The following PSME4 variants were observed in gnomAD, a reference collection of about 807,000 sequenced individuals.
PSME4 encodes proteasome activator complex subunit 4.
A neutral mutation model predicts 253.9 loss-of-function variants in PSME4; 89 were observed. The observed-to-expected ratio is 0.35, with a 90% CI of 0.30 to 0.42. PSME4 has a LOEUF of 0.42. Among genes scored for constraint, PSME4 ranks in the 10% least tolerant of loss-of-function variants. The probability of loss-of-function intolerance (pLI) is 1.00; values close to 1 mark genes in which losing one functional copy is unlikely to be tolerated. For missense variants in PSME4, 2,014 were observed against 2,195.2 expected (o/e 0.92, Z 1.65); for synonymous variants, 851 against 759.2 (o/e 1.12, Z -1.99).
intron 31 of PSME4, among the ~76,000 whole-genome samples, 160 bp from the exon 32 acceptor site, chr2:53,897,045 G>C (rs761874472): frequency 6.6e-6 from 1 of 152,130 alleles, no homozygotes. Flanking sequence ...ATCTGACTTA[G>C]AATGAATCAT....
At chr2:53,945,475 A>G (rs1669657694) in intron 3 of PSME4, among the ~76,000 whole-genome samples, 1 of 152,180 alleles carries the variant, frequency 6.6e-6, no homozygotes, top group African/African-American at 2.4e-5. Context: ...CTAGAGGCAA[A>G]AAGACAGACA....
Position 53,919,198 on chromosome 2 carries a change from G to A in PSME4, c.2469C>T (p.Gly823=). 2 of 1,611,548 alleles carry A rather than the reference G, an allele frequency of 1.2e-6. No individual in the cohort carries two copies. The highest frequency in any genetic ancestry group is 8.5e-7 in the Non-Finnish European group (1 of 1,179,122). Residue 823 remains glycine, a synonymous_variant, in exon 20 of 47, where the codon GGC becomes GGT. Transcript: ENST00000404125. Reference sequence around the variant, plus strand: ...TCAACGGAGGTAGGAGGTTTCCAGAGCCAATTAAACAGTTGTGCACTATAG... The same window carrying A: ...TCAACGGAGGTAGGAGGTTTCCAGAACCAATTAAACAGTTGTGCACTATAG... The part of the protein sequence containing the change: ...SLTIVHNCLI[G]SGNLLPPLKG...
intron 1 of PSME4, among the ~76,000 whole-genome samples, chr2:53,970,119 C>T (rs975148293): frequency 6.6e-6 from 1 of 152,128 alleles, no homozygotes; most frequent in African/African-American, 2.4e-5. Context: ...AAGGAAGAAC[C>T]GGAGGAAGCA....
chr2:53,919,723 A>G (rs1281426411), intron 19 of PSME4, among the ~76,000 whole-genome samples: 1 of 152,222 alleles, frequency 6.6e-6, no homozygotes, highest in Non-Finnish European at 1.5e-5. Flanking sequence ...TGTTTGATAC[A>G]TTAATTTTCT....
intron 41 of PSME4, among the ~76,000 whole-genome samples, chr2:53,877,546 G>A (rs1037068416): frequency 2.0e-5 from 3 of 152,156 alleles, no homozygotes; most frequent in Non-Finnish European, 2.9e-5. Flanking sequence ...AATTATTAAG[G>A]AAAAGTTTAT....
Position 53,887,880 on chromosome 2 carries a change from T to C in PSME4, c.4498A>G (p.Asn1500Asp). The C allele has an allele frequency of 6.2e-7, 1 of 1,600,578 alleles. No homozygotes were observed. Among genetic ancestry groups the C allele is most frequent in the South Asian group, 1.1e-5 (1 of 90,702 alleles). ...LEPKLTQVYK[N>D]VRERIGSVLT... ...TACCTTCCTATTCTTTCTCTGACAT[T>C]TTTGTAAACCTGGGTGAGTTTGGGT... The change falls in exon 39 of 47, where the codon AAT becomes GAT. Residue 1500 changes from asparagine (N) to aspartate (D), a missense_variant. Physicochemically the swap from Asn to Asp is conservative, Grantham distance 23 (BLOSUM62 1). Transcript: ENST00000404125.
At chr2:53,944,973 T>C (rs1669635300) in intron 3 of PSME4, among the ~76,000 whole-genome samples, 1 of 152,066 alleles carries the variant, frequency 6.6e-6, no homozygotes. Flanking sequence ...TAAAAGAGAA[T>C]AGATACTTTT....
Position 53,934,666 on chromosome 2 carries a change from G to A in PSME4, c.896C>T (p.Pro299Leu), listed in dbSNP as rs778300948. ...ATCATAAGCATTTGTTAAAAATCTTGGGACTAACACTTGACTGCTTCCCAC... is the reference window on the plus strand; with the variant it reads ...ATCATAAGCATTTGTTAAAAATCTTAGGACTAACACTTGACTGCTTCCCAC... ...LPVGSSQVLV[P>L]RFLTNAYDIG... Residue 299 changes from proline to leucine, a missense_variant, in exon 8 of 47, where the codon CCA becomes CTA. Physicochemically the swap from Pro to Leu is moderately conservative, Grantham distance 98. This residue lies in a region of PSME4 where 615 missense variants were observed against 594.4 expected (regional missense o/e 1.03). Coordinates refer to ENST00000404125, the MANE Select transcript of PSME4 (RefSeq NM_014614.3). 1 of 1,610,292 alleles carries A rather than the reference G, an allele frequency of 6.2e-7. No individual in the cohort carries two copies. The highest frequency in any genetic ancestry group is 8.5e-7 in the Non-Finnish European group (1 of 1,176,780).
intron 4 of PSME4, among the ~76,000 whole-genome samples, chr2:53,939,473 C>G (rs1669280961): frequency 6.6e-6 from 1 of 152,152 alleles, no homozygotes; most frequent in African/African-American, 2.4e-5. Context: ...CACCTATAAT[C>G]CCAATGCTTT....
rs1176696460 is a variant in PSME4 at position 53,970,607 on chromosome 2, C to G, written c.178G>C (p.Gly60Arg). The stretch of plus-strand genomic sequence containing the variant: ...AGCTCTTGGAGCTGCACGGCCCGGC[C>G]CAGGTTGCATTTGATCTGGGCCAGC... ...LQLAQIKCNL[G>R]RAVQLQELWP... is the part of the protein sequence containing the mutation. The change falls in exon 1 of 47, where the codon GGC becomes CGC. Residue 60 changes from glycine to arginine, a missense_variant. Transcript: ENST00000404125. 6.5e-7 allele frequency: 1 copy of G among 1,549,804 alleles called. No homozygotes were observed. Among genetic ancestry groups the G allele is most frequent in the Non-Finnish European group, 8.7e-7 (1 of 1,146,948 alleles).
At chr2:53,951,165 C>G (rs76459000) in intron 1 of PSME4, among the ~76,000 whole-genome samples, 8 of 152,094 alleles carry the variant, frequency 5.3e-5, no homozygotes, top group African/African-American at 1.7e-4. Flanking sequence ...TCACCGCAAC[C>G]TCTGCCTCCT....
At chr2:53,899,553 C>A (rs1680295849) in intron 29 of PSME4, among the ~76,000 whole-genome samples, 2 of 152,088 alleles carry the variant, frequency 1.3e-5, no homozygotes, top group African/African-American at 2.4e-5. Flanking sequence ...CGCAGTGGCT[C>A]ATGCCTGTAA....
At chr2:53,891,957 C>T (rs371596910) in intron 36 of PSME4, among the ~76,000 whole-genome samples, 1 of 151,550 alleles carries the variant, frequency 6.6e-6, no homozygotes, top group African/African-American at 2.4e-5. Context: ...GGAAGGAATT[C>T]TTCAATCAGC....
intron 17 of PSME4, 86 bp downstream of exon 17, chr2:53,922,431 A>T (rs1668368736): frequency 7.1e-7 from 1 of 1,398,820 alleles, no homozygotes; most frequent in Non-Finnish European, 1.0e-6. Flanking sequence ...CATATGTTTT[A>T]AAGTCATTTT....
chr2:53,927,423 C>G lies in PSME4; in HGVS notation c.1564G>C (p.Val522Leu), dbSNP rs1190904825. ...TLVPLVDCSS[V>L]LQERNDLTEV... ...GTGAGGTCATTTCTTTCTTGTAGTA[C>G]AGATGAACAATCTACTAAAGGCACC... The change falls in exon 12 of 47, where the codon GTA becomes CTA. Residue 522 changes from valine (V) to leucine (L), a missense_variant. Val to Leu is a conservative substitution (Grantham distance 32). Around this residue, in one of 4 missense-constraint regions of PSME4, gnomAD observed 989 missense variants for 1,021.1 expected, o/e 0.97. Coordinates refer to ENST00000404125, the MANE Select transcript of PSME4 (RefSeq NM_014614.3). The G allele has an allele frequency of 1.3e-6, 2 of 1,590,868 alleles. No homozygotes were observed. The highest frequency in any genetic ancestry group is 1.7e-6 in the Non-Finnish European group (2 of 1,158,970).
In PSME4 at chr2:53,876,716, C is replaced by CTTTTTTTTTTTTTTTTTTTT. The variant is rs10599430; in HGVS notation, c.4816-981_4816-962dup. On this transcript the variant is annotated intron_variant, in intron 41 of 46. Transcript: ENST00000404125. Reference sequence around the variant, plus strand: ...TCTGATGGCTGTAGCCACTGTCATTCTTTTTTTTTTTTTTTTTTTTGAGAC... The same window carrying CTTTTTTTTTTTTTTTTTTTT: ...TCTGATGGCTGTAGCCACTGTCATTCTTTTTTTTTTTTTTTTTTTTTTTTTTTTTTTTTTTTTTTTGAGAC... Among the ~76,000 whole-genome samples the CTTTTTTTTTTTTTTTTTTTT allele has an allele frequency of 7.8e-4, 76 of 97,840 alleles. 11 individuals carry two copies. The highest frequency in any genetic ancestry group is 5.4e-3 in the East Asian group (13 of 2,390). 64.2% of individuals were successfully genotyped at this position (97,840 alleles called of 152,430 possible).
intron 1 of PSME4, among the ~76,000 whole-genome samples, chr2:53,961,428 G>T (rs1262869925): frequency 2.0e-5 from 3 of 152,176 alleles, no homozygotes; most frequent in Non-Finnish European, 4.4e-5. Context: ...CAGCACTTTG[G>T]GAGGGCGAGG....
In PSME4 at chr2:53,922,843, T is replaced by C. The variant is rs3213773; in HGVS notation, c.1978+206A>G. Among the ~76,000 whole-genome samples the C allele has an allele frequency of 1.7e-4, 26 of 152,342 alleles. No homozygotes were observed. In the East Asian group the frequency reaches 5.0e-3, roughly 29 times the overall value. The stretch of plus-strand genomic sequence containing the variant: ...GATATTTTTGAAGGTAACCTCTGAA[T>C]GGTGGTTGTATAAGAATATTAATAA... On this transcript the variant is annotated intron_variant, in intron 16 of 46. Coordinates refer to ENST00000404125, the MANE Select transcript of PSME4 (RefSeq NM_014614.3).
intron 43 of PSME4, among the ~76,000 whole-genome samples, chr2:53,871,985 G>A (rs1411631160): frequency 2.0e-5 from 3 of 152,106 alleles, no homozygotes; most frequent in Admixed American, 1.3e-4. Flanking sequence ...CTGCACTCCC[G>A]CCTGGGCAAA....
Sources: gnomAD v4.1 joint callset for allele counts (sites outside exome capture counted in the v4.1 genomes callset) on GRCh38, gnomAD v4.1.1 for gene constraint, gnomAD v4.1.1 regional missense constraint, MANE v1.5 for transcripts, NCBI Gene and HGNC (gene_info 2026-07-23, HGNC 2026-07-21) for gene names.